Variants in RAP1B observed in about 807,000 individuals in gnomAD.
The protein encoded by RAP1B is ras-related protein Rap-1b.
In RAP1B, 1 loss-of-function variant was observed where a neutral mutation model predicts 27.5. The observed-to-expected ratio is 0.04, with a 90% CI of 0.01 to 0.17. The LOEUF (loss-of-function observed/expected upper bound fraction) is 0.17, where lower values mean the gene tolerates loss of function less well. Ranked by LOEUF, RAP1B falls within the 10% of genes least tolerant of loss-of-function variation. RAP1B has a pLI of 1.00. For synonymous variants in RAP1B, 75 were observed against 73.1 expected, an observed-to-expected ratio of 1.03 and a Z score of -0.13; for missense variants, 84 against 214.8, an observed-to-expected ratio of 0.39 and a Z score of 3.81.
rs1875105188 is a variant in RAP1B, at chr12:68,671,806, AAG to A, written c.*12558_*12559del. On this transcript the variant is annotated 3_prime_UTR_variant, in exon 8 of 8. Coordinates refer to ENST00000250559, the MANE Select transcript of RAP1B (RefSeq NM_001010942.3). ...AACATTTTCTGGAATATAAAAAAAA[AAG>A]CTATATGAATGTCATCATTATATGT... 1 of 152,174 alleles carries A rather than the reference AAG, an allele frequency of 6.6e-6. No homozygotes were observed. The highest frequency in any genetic ancestry group is 1.5e-5 in the Non-Finnish European group (1 of 68,024). The allele number at this position is 152,174 out of a possible 1,614,324, so 9.4% of individuals were successfully genotyped here.
chr12:68,652,929 C>T (rs540801568), intron 4 of RAP1B, among the ~76,000 whole-genome samples: 1 of 152,070 alleles, frequency 6.6e-6, no homozygotes, highest in East Asian at 1.9e-4. Context: ...TTTGATTGAG[C>T]TGGGTATGAT....
intron 1 of RAP1B, among the ~76,000 whole-genome samples, chr12:68,630,705 TCTCA>T (rs937534718): frequency 3.3e-5 from 5 of 152,072 alleles, no homozygotes; most frequent in Non-Finnish European, 7.4e-5. Flanking sequence ...CAAGGCAGGT[TCTCA>T]CTCTGTCACC....
intron 2 of RAP1B, chr12:68,650,006 G>A (rs932873311): frequency 7.7e-5 from 12 of 156,612 alleles, no homozygotes; most frequent in African/African-American, 2.4e-4. Flanking sequence ...CCAGCTACTC[G>A]GGAGGCTGAT....
chr12:68,617,588 A>G (rs1473964023), intron 1 of RAP1B, among the ~76,000 whole-genome samples: 1 of 152,238 alleles, frequency 6.6e-6, no homozygotes. Context: ...GAAAATGAGT[A>G]TCATCCGTAA....
intron 1 of RAP1B, among the ~76,000 whole-genome samples, chr12:68,631,260 A>G (rs1202778595): frequency 6.6e-6 from 1 of 152,144 alleles, no homozygotes; most frequent in African/African-American, 2.4e-5. Context: ...AACTATCCTT[A>G]TGTCACTTTC....
At chr12:68,627,063 G>A in intron 1 of RAP1B, 1 of 1,593,596 alleles carries the variant, frequency 6.3e-7, no homozygotes. Flanking sequence ...CCTGCGCAGG[G>A]CCTCAATCAC....
chr12:68,631,044 C>G (rs999923219), intron 1 of RAP1B, among the ~76,000 whole-genome samples: 1 of 151,976 alleles, frequency 6.6e-6, no homozygotes, highest in Non-Finnish European at 1.5e-5. Context: ...TAGGCAAATA[C>G]CCTAAGTGCT....
At chr12:68,612,262 TC>T (rs1232032586) in intron 1 of RAP1B, among the ~76,000 whole-genome samples, 8 of 152,350 alleles carry the variant, frequency 5.3e-5, no homozygotes, top group South Asian at 2.1e-4. Context: ...CTCTCTTTTT[TC>T]GTAATTAGAA....
intron 1 of RAP1B, among the ~76,000 whole-genome samples, chr12:68,639,693 T>C (rs1408997177): frequency 2.6e-5 from 4 of 152,154 alleles, no homozygotes; most frequent in Non-Finnish European, 5.9e-5. Context: ...TTTGTACATA[T>C]TGAAAAACAG....
chr12:68,631,924 T>G (rs1872263404), intron 1 of RAP1B, among the ~76,000 whole-genome samples: 1 of 152,176 alleles, frequency 6.6e-6, no homozygotes, highest in Non-Finnish European at 1.5e-5. Context: ...CCAACCATTC[T>G]TGTTTTCCCA....
intron 1 of RAP1B, among the ~76,000 whole-genome samples, chr12:68,638,260 A>G (rs1001235161): frequency 2.0e-5 from 3 of 151,578 alleles, no homozygotes; most frequent in Admixed American, 2.0e-4. Flanking sequence ...ACCAATTTGT[A>G]TAATCCCTTA....
At chr12:68,646,486 G>C (rs990113495) in intron 1 of RAP1B, among the ~76,000 whole-genome samples, 7 of 152,074 alleles carry the variant, frequency 4.6e-5, no homozygotes, top group Non-Finnish European at 2.9e-5. Flanking sequence ...AGTAGAAACG[G>C]GGTTTCACCA....
chr12:68,615,674 AGAGT>A (rs1870933324), intron 1 of RAP1B, among the ~76,000 whole-genome samples: 1 of 152,156 alleles, frequency 6.6e-6, no homozygotes, highest in Admixed American at 6.5e-5. Context: ...CTGACCATAG[AGAGT>A]AATTATTTAA....
chr12:68,638,604 T>G (rs1223434839), intron 1 of RAP1B, among the ~76,000 whole-genome samples: 1 of 152,192 alleles, frequency 6.6e-6, no homozygotes, highest in Non-Finnish European at 1.5e-5. Context: ...AATATTTAGA[T>G]TATATTAAAT....
intron 1 of RAP1B, among the ~76,000 whole-genome samples, chr12:68,637,497 TGA>T (rs1043223819): frequency 3.4e-5 from 5 of 145,482 alleles, no homozygotes; most frequent in Admixed American, 7.3e-5. Context: ...CTCGGGAGGC[TGA>T]GAGAGGAGAA....
At chr12:68,611,995 CCTCTCCCA>C (rs1467081960) in intron 1 of RAP1B, among the ~76,000 whole-genome samples, 1 of 152,162 alleles carries the variant, frequency 6.6e-6, no homozygotes, top group African/African-American at 2.4e-5. Flanking sequence ...CGCTTTCCCC[CCTCTCCCA>C]CTCTCTTTAA....
At chr12:68,656,271 C>G (rs1172461595) in intron 5 of RAP1B, 35 bp from the exon 6 acceptor site, 2 of 1,547,384 alleles carry the variant, frequency 1.3e-6, no homozygotes, top group Non-Finnish European at 1.8e-6. Context: ...AGCATATTTA[C>G]TTATTTATTT....
At chr12:68,630,935 T>C (rs946311549) in intron 1 of RAP1B, among the ~76,000 whole-genome samples, 5 of 152,106 alleles carry the variant, frequency 3.3e-5, no homozygotes, top group Non-Finnish European at 7.4e-5. Context: ...TGAATTTGTT[T>C]TTTTTTTCAT....
At chr12:68,649,946 C>G (rs1338996716) in intron 2 of RAP1B, 1 of 153,478 alleles carries the variant, frequency 6.5e-6, no homozygotes, top group Non-Finnish European at 1.4e-5. Context: ...AACCCCGTCT[C>G]TACTAAAAAT....
Sources: gnomAD v4.1 joint callset for allele counts (sites outside exome capture counted in the v4.1 genomes callset) on GRCh38, gnomAD v4.1.1 for gene constraint, MANE v1.5 for transcripts, NCBI Gene and HGNC (gene_info 2026-07-23, HGNC 2026-07-21) for gene names.